The following CHRM5 variants were observed in gnomAD, a reference collection of about 807,000 sequenced individuals.
CHRM5 encodes the protein muscarinic acetylcholine receptor M5.
Under a neutral mutation model 39.0 loss-of-function variants are expected in CHRM5, and 18 were observed. The observed-to-expected ratio is 0.46, with a 90% CI of 0.32 to 0.68. The LOEUF (loss-of-function observed/expected upper bound fraction) is 0.68. Among genes scored for constraint, CHRM5 ranks in the 30% least tolerant of loss-of-function variants. The pLI is 0.04. For synonymous variants in CHRM5, 241 were observed against 246.3 expected (o/e 0.98, Z 0.20); for missense variants, 515 against 651.1 (o/e 0.79, Z 2.28).
At chr15:34,002,954 T>C (rs1429537928) in intron 1 of CHRM5, 32 of 1,279,202 alleles carry the variant, frequency 2.5e-5, no homozygotes, top group Non-Finnish European at 3.3e-5. Flanking sequence ...GTTATAAAAG[T>C]AGAATTTAAA....
At chr15:33,979,151 C>G (rs558087432) in intron 1 of CHRM5, among the ~76,000 whole-genome samples, 1 of 152,258 alleles carries the variant, frequency 6.6e-6, no homozygotes, top group South Asian at 2.1e-4. Context: ...AGGACACAAC[C>G]ACAGAAGAGT....
intron 1 of CHRM5, among the ~76,000 whole-genome samples, chr15:34,005,059 T>C (rs895168413): frequency 6.6e-6 from 1 of 152,064 alleles, no homozygotes; most frequent in Non-Finnish European, 1.5e-5. Flanking sequence ...AACTAAAATA[T>C]ATAAAAACCC....
intron 2 of CHRM5, among the ~76,000 whole-genome samples, chr15:34,047,689 G>T (rs1372494549): frequency 6.6e-6 from 1 of 152,180 alleles, no homozygotes; most frequent in Non-Finnish European, 1.5e-5. Flanking sequence ...ACAAGGAAAG[G>T]TCCCTCCCAA....
intron 1 of CHRM5, among the ~76,000 whole-genome samples, chr15:33,983,200 GTATATATATA>G (rs769965010): frequency 2.3e-4 from 15 of 63,920 alleles, no homozygotes; most frequent in African/African-American, 9.3e-4. Context: ...GTATGTGTGT[GTATATATATA>G]TATACATATA....
intron 1 of CHRM5, among the ~76,000 whole-genome samples, chr15:34,041,328 G>A (rs1597382278): frequency 6.6e-6 from 1 of 152,120 alleles, no homozygotes; most frequent in South Asian, 2.1e-4. Context: ...TATCTAAGGA[G>A]CTACCGATGT....
intron 1 of CHRM5, among the ~76,000 whole-genome samples, chr15:34,028,615 C>A (rs557245787): frequency 6.6e-6 from 1 of 151,460 alleles, no homozygotes. Flanking sequence ...TGAGAGAGGA[C>A]AGCAAAGTGG....
chr15:34,015,053 T>G (rs1897823082), intron 1 of CHRM5, among the ~76,000 whole-genome samples: 1 of 152,002 alleles, frequency 6.6e-6, no homozygotes, highest in South Asian at 2.1e-4. Flanking sequence ...AAGCTGTCCT[T>G]AACAGTGTGT....
At chr15:34,033,326 T>C (rs1898950616) in intron 1 of CHRM5, among the ~76,000 whole-genome samples, 1 of 151,890 alleles carries the variant, frequency 6.6e-6, no homozygotes, top group South Asian at 2.1e-4. Flanking sequence ...AGCAACACGG[T>C]GAAATCCCGT....
chr15:34,063,326 C>T lies in CHRM5; in HGVS notation c.609C>T (p.Tyr203=), dbSNP rs935517669. 1.9e-6 allele frequency: 3 copies of T among 1,614,068 alleles called. No individual in the cohort carries two copies. In the African/African-American group the frequency reaches 4.0e-5, roughly 22 times the overall value. ...TTGGCACTGCCATTGCTGCCTTCTA[C>T]ATCCCTGTTTCTGTCATGACCATCC... ...ITFGTAIAAF[Y]IPVSVMTILY... Residue 203 remains tyrosine (Y), a synonymous_variant, in exon 3 of 3, where the codon TAC becomes TAT. Transcript: ENST00000383263. The surrounding 1 kb of genome is among the most constrained non-coding windows in gnomAD (Gnocchi z 4.1).
At chr15:33,993,702 A>G (rs532509831) in intron 1 of CHRM5, among the ~76,000 whole-genome samples, 1 of 152,340 alleles carries the variant, frequency 6.6e-6, no homozygotes, top group Non-Finnish European at 1.5e-5. Flanking sequence ...AATACTGCCA[A>G]CACCACACCT....
intron 2 of CHRM5, among the ~76,000 whole-genome samples, chr15:34,058,404 G>A (rs1002800137): frequency 3.3e-5 from 5 of 151,922 alleles, no homozygotes; most frequent in Admixed American, 3.3e-4. Flanking sequence ...AATCAAAATG[G>A]AGCCACCCAT....
rs770213768 is a variant in CHRM5 at position 34,063,813 on chromosome 15, G to A, written c.1096G>A (p.Ala366Thr). The A allele has an allele frequency of 7.4e-6, 12 of 1,613,882 alleles. No homozygotes were observed. The highest frequency in any genetic ancestry group is 1.0e-5 in the Non-Finnish European group (12 of 1,179,830). ...YDTPNYLLSP[A>T]AAHRPKSQKC... is the part of the protein sequence containing the mutation. ...CACCCCAAACTACCTTCTGTCTCCA[G>A]CAGCTGCTCATAGACCCAAGAGTCA... Residue 366 changes from alanine (A) to threonine (T), a missense_variant, in exon 3 of 3, where the codon GCA becomes ACA. Transcript: ENST00000383263. The surrounding 1 kb of genome is among the most constrained non-coding windows in gnomAD (Gnocchi z 4.1).
chr15:34,036,456 G>A (rs1899131139), intron 1 of CHRM5, among the ~76,000 whole-genome samples: 1 of 151,916 alleles, frequency 6.6e-6, no homozygotes, highest in Admixed American at 6.6e-5. Context: ...TGATCATTTC[G>A]GTTACTCTCT....
intron 1 of CHRM5, among the ~76,000 whole-genome samples, chr15:34,023,877 A>C (rs372742851): frequency 6.6e-6 from 1 of 152,298 alleles, no homozygotes. Flanking sequence ...TGGCCAGGGA[A>C]ATTTAAACTC....
intron 1 of CHRM5, among the ~76,000 whole-genome samples, chr15:34,032,023 G>GCACACA (rs10643932): frequency 7.9e-4 from 118 of 148,714 alleles, no homozygotes; most frequent in Non-Finnish European, 1.0e-3. Flanking sequence ...GCGCGCACAC[G>GCACACA]CACACACACA....
rs1241731248 is a variant in CHRM5 at position 33,983,146 on chromosome 15, G to GTA, written c.-408+13997_-408+13998insAT. ...CCATACTCTGTGTGTGTGTGTGTGT[G>GTA]TGTGTGTGTGTGTATGTGTGTGTGT... On this transcript the variant is annotated intron_variant, in intron 1 of 2. Transcript: ENST00000383263. Among the ~76,000 whole-genome samples the GTA allele has an allele frequency of 7.9e-4, 91 of 115,278 alleles. 1 individual carries two copies. The East Asian group carries it at 0.015, about 18-fold the overall frequency. The allele number at this position is 115,278 out of a possible 152,430, so 75.6% of individuals were successfully genotyped here.
intron 1 of CHRM5, among the ~76,000 whole-genome samples, chr15:33,973,745 AT>A (rs543769901): frequency 6.4e-4 from 98 of 152,300 alleles, no homozygotes; most frequent in African/African-American, 2.3e-3. Flanking sequence ...ACGAAATTGC[AT>A]TTTTCATGGT....
intron 1 of CHRM5, among the ~76,000 whole-genome samples, chr15:34,026,663 A>C (rs934847976): frequency 1.3e-5 from 2 of 152,090 alleles, no homozygotes; most frequent in Non-Finnish European, 2.9e-5. Flanking sequence ...ACTGAGGACA[A>C]GAGGAAAAAA....
intron 1 of CHRM5, among the ~76,000 whole-genome samples, chr15:34,037,283 A>G (rs2045328930): frequency 6.6e-6 from 1 of 152,040 alleles, no homozygotes; most frequent in Admixed American, 6.6e-5. Flanking sequence ...TTACTCTTAA[A>G]GCACGATCCC....
Sources: gnomAD v4.1 joint callset for allele counts (sites outside exome capture counted in the v4.1 genomes callset) on GRCh38, gnomAD v4.1.1 for gene constraint, Gnocchi (gnomAD v3.1) non-coding constraint, MANE v1.5 for transcripts, NCBI Gene and HGNC (gene_info 2026-07-23, HGNC 2026-07-21) for gene names.